The following KREMEN1 variants were observed in gnomAD, a reference collection of about 807,000 sequenced individuals.
KREMEN1 encodes the protein kringle containing transmembrane protein 1, also known as kremen protein 1.
Under a neutral mutation model 46.5 loss-of-function variants are expected in KREMEN1, and 30 were observed. The ratio of observed to expected loss-of-function variants is 0.65; its 90% CI spans 0.48 to 0.88. The LOEUF is 0.88. Ranked by LOEUF, KREMEN1 falls within the 40% of genes least tolerant of loss-of-function variation. The pLI, the probability that KREMEN1 is intolerant of heterozygous loss-of-function variation, is 0.00. For synonymous variants in KREMEN1, 214 were observed against 230.6 expected, an observed-to-expected ratio of 0.93 and a Z score of 0.65; for missense variants, 533 against 596.9, an observed-to-expected ratio of 0.89 and a Z score of 1.11.
downstream of KREMEN1, among the ~76,000 whole-genome samples, chr22:29,149,611 G>T (rs2038900051): frequency 6.6e-6 from 1 of 152,142 alleles, no homozygotes; most frequent in African/African-American, 2.4e-5. Context: ...GGCCTTGCTG[G>T]TGAATTTCTT....
chr22:29,131,696 ATG>A (rs1329441775), intron 5 of KREMEN1, among the ~76,000 whole-genome samples: 3 of 119,952 alleles, frequency 2.5e-5, no homozygotes, highest in African/African-American at 3.5e-5. Flanking sequence ...ACATGTATAT[ATG>A]TGTATATATA....
intron 1 of KREMEN1, among the ~76,000 whole-genome samples, chr22:29,089,678 A>G (rs1398095754): frequency 6.6e-6 from 1 of 152,152 alleles, no homozygotes; most frequent in East Asian, 1.9e-4. Context: ...CACTTAGAAC[A>G]AAAGCCAAAA....
At chr22:29,094,662 C>T (rs1004327697) in intron 2 of KREMEN1, among the ~76,000 whole-genome samples, 10 of 143,618 alleles carry the variant, frequency 7.0e-5, no homozygotes, top group Admixed American at 5.1e-4. Context: ...CTCGCTCTGT[C>T]GCCCAGGCTG....
In KREMEN1 at chr22:29,143,945, T is replaced by C; in HGVS notation, c.*1833T>C. ...GGGAATTGGAGCTCCTCCAAGGAGC[T>C]CCTCCTAAGATTGAGTGCTGCAGCT... On this transcript the variant is annotated 3_prime_UTR_variant, in exon 9 of 9. Coordinates refer to ENST00000400335, the MANE Select transcript of KREMEN1 (RefSeq NM_001039570.3). The C allele has an allele frequency of 1.0e-6, 1 of 985,388 alleles. No homozygotes were observed. Among genetic ancestry groups the C allele is most frequent in the Non-Finnish European group, 1.2e-6 (1 of 829,924 alleles). 61.0% of individuals were successfully genotyped at this position (985,388 alleles called of 1,614,324 possible). A position where few individuals can be genotyped will look rare whatever the true frequency, so the allele number is the denominator to read the frequency against.
intron 1 of KREMEN1, among the ~76,000 whole-genome samples, chr22:29,092,231 G>A (rs948004269): frequency 2.0e-5 from 3 of 152,160 alleles, no homozygotes; most frequent in Non-Finnish European, 4.4e-5. Context: ...ACTTGCTGAC[G>A]AATCGGAAGT....
At chr22:29,107,963 A>T (rs1316567788) in intron 3 of KREMEN1, among the ~76,000 whole-genome samples, 5 of 152,140 alleles carry the variant, frequency 3.3e-5, no homozygotes, top group Non-Finnish European at 7.3e-5. Context: ...CACACCTAGC[A>T]CAGTGGAGAG....
chr22:29,120,931 T>G (rs1008509220), intron 3 of KREMEN1, among the ~76,000 whole-genome samples: 3 of 152,148 alleles, frequency 2.0e-5, no homozygotes, highest in Non-Finnish European at 4.4e-5. Flanking sequence ...TGTGGAATCT[T>G]TGAAGGAATT....
intron 1 of KREMEN1, among the ~76,000 whole-genome samples, chr22:29,084,628 C>T (rs1246826130): frequency 6.6e-6 from 1 of 152,076 alleles, no homozygotes; most frequent in African/African-American, 2.4e-5. Flanking sequence ...ACCTTCTCTG[C>T]CTTGATAATT....
chr22:29,082,495 C>G (rs1407205391), intron 1 of KREMEN1, among the ~76,000 whole-genome samples: 1 of 152,192 alleles, frequency 6.6e-6, no homozygotes, highest in African/African-American at 2.4e-5. Flanking sequence ...AGTCTTGAGG[C>G]TGGCCTAGGA....
At chr22:29,086,211 C>T (rs958037648) in intron 1 of KREMEN1, among the ~76,000 whole-genome samples, 3 of 151,980 alleles carry the variant, frequency 2.0e-5, no homozygotes, top group Non-Finnish European at 2.9e-5. Context: ...AGTGAAGGGA[C>T]GTTGAGATAA....
intron 4 of KREMEN1, 134 bp from the exon 5 acceptor site, chr22:29,125,129 G>C (rs1445413925): frequency 2.4e-6 from 2 of 845,050 alleles, no homozygotes; most frequent in Non-Finnish European, 3.8e-6. Flanking sequence ...AGTGGAAGAA[G>C]GGGGAGGTCC....
Position 29,073,508 on chromosome 22 carries a change from G to T in KREMEN1, c.97+281G>T, listed in dbSNP as rs2123913003. ...CAGCCCAGGAGGCCCTCTCCGCCTT[G>T]AGTCTTCCAAGACCCTCTGCGACGC... is the stretch of plus-strand genomic sequence containing the variant. On this transcript the variant is annotated intron_variant, in intron 1 of 8. Coordinates refer to ENST00000400335, the MANE Select transcript of KREMEN1 (RefSeq NM_001039570.3). This position sits in a 1 kb window ranked among gnomAD's most constrained non-coding sequence, Gnocchi z 4.4. Among the ~76,000 whole-genome samples, 1 of 152,078 alleles carries T rather than the reference G, an allele frequency of 6.6e-6. No individual in the cohort carries two copies. Among genetic ancestry groups the T allele is most frequent in the Admixed American group, 6.5e-5 (1 of 15,292 alleles).
intron 9 of KREMEN1, among the ~76,000 whole-genome samples, chr22:29,162,716 A>C (rs1002930963): frequency 6.6e-6 from 1 of 151,972 alleles, no homozygotes; most frequent in Non-Finnish European, 1.5e-5. Context: ...CCGTCACACA[A>C]AAAAAAAGAA....
At chr22:29,075,835 A>G (rs939230799) in intron 1 of KREMEN1, among the ~76,000 whole-genome samples, 2 of 152,228 alleles carry the variant, frequency 1.3e-5, no homozygotes, top group African/African-American at 4.8e-5. Flanking sequence ...CAATATTTAT[A>G]TTCTGCACAA....
intron 9 of KREMEN1, among the ~76,000 whole-genome samples, chr22:29,151,934 G>A (rs1250141871): frequency 1.3e-5 from 2 of 151,604 alleles, no homozygotes; most frequent in Non-Finnish European, 2.9e-5. Flanking sequence ...TGCTTGAACC[G>A]GGGAGGTGGA....
At chr22:29,131,707 T>TAC (rs2038555448) in intron 5 of KREMEN1, among the ~76,000 whole-genome samples, 1 of 134,682 alleles carries the variant, frequency 7.4e-6, no homozygotes, top group African/African-American at 3.1e-5. Context: ...TGTGTATATA[T>TAC]ATGTATATAT....
Position 29,125,247 on chromosome 22 carries a change from T to C in KREMEN1, c.478-16T>C. 1 of 1,613,718 alleles carries C rather than the reference T, an allele frequency of 6.2e-7. No homozygotes were observed. On this transcript the variant is annotated splice_polypyrimidine_tract_variant and intron_variant, in intron 4 of 8. Coordinates refer to ENST00000400335, the MANE Select transcript of KREMEN1 (RefSeq NM_001039570.3). ...CCTGATGATGCTTACCGTGTGCTGC[T>C]TCTCTGTTGTGGCAGTTTGCTGGGA...
At chr22:29,087,745 A>G (rs550362569) in intron 1 of KREMEN1, among the ~76,000 whole-genome samples, 1 of 152,208 alleles carries the variant, frequency 6.6e-6, no homozygotes, top group East Asian at 1.9e-4. Context: ...TTGTATTTTT[A>G]GTAGAGATGG....
At chr22:29,118,072 C>A (rs1386200005) in intron 3 of KREMEN1, among the ~76,000 whole-genome samples, 1 of 152,214 alleles carries the variant, frequency 6.6e-6, no homozygotes, top group African/African-American at 2.4e-5. Context: ...GAAAGATCTA[C>A]TTTCAACCTC....
Sources: allele counts gnomAD v4.1 joint callset (sites outside exome capture counted in the v4.1 genomes callset), GRCh38; gene constraint gnomAD v4.1.1; non-coding constraint Gnocchi (gnomAD v3.1); transcripts MANE v1.5; gene names NCBI Gene and HGNC (gene_info 2026-07-23, HGNC 2026-07-21).